Variants in TMEM135 observed in about 807,000 individuals in gnomAD.
TMEM135 encodes the protein peroxisomal membrane protein 52.
In TMEM135, 30 loss-of-function variants were observed where a neutral mutation model predicts 60.3. That is an observed-to-expected ratio of 0.50 (90% CI 0.37 to 0.68). The LOEUF (loss-of-function observed/expected upper bound fraction) is 0.68, where lower values mean the gene tolerates loss of function less well. Among genes scored for constraint, TMEM135 ranks in the 30% least tolerant of loss-of-function variants. The probability of loss-of-function intolerance (pLI) is 0.00; values close to 1 mark genes in which losing one functional copy is unlikely to be tolerated. For synonymous variants in TMEM135, 190 were observed against 186.7 expected, an observed-to-expected ratio of 1.02 and a Z score of -0.14; for missense variants, 468 against 548.8, an observed-to-expected ratio of 0.85 and a Z score of 1.47.
intron 5 of TMEM135, among the ~76,000 whole-genome samples, chr11:87,191,882 A>G (rs1939807380): frequency 6.6e-6 from 1 of 152,036 alleles, no homozygotes; most frequent in South Asian, 2.1e-4. Flanking sequence ...TATACTTTTA[A>G]AAAGTATGCT....
chr11:87,085,855 T>C (rs1339106669), intron 3 of TMEM135, among the ~76,000 whole-genome samples: 1 of 152,216 alleles, frequency 6.6e-6, no homozygotes, highest in Non-Finnish European at 1.5e-5. Flanking sequence ...TCAGATGAAC[T>C]GACTCTGAAT....
intron 5 of TMEM135, among the ~76,000 whole-genome samples, chr11:87,177,052 T>C (rs1156683528): frequency 6.6e-6 from 1 of 152,168 alleles, no homozygotes; most frequent in African/African-American, 2.4e-5. Context: ...TGTAAAATCA[T>C]CAAGTGAAAG....
intron 8 of TMEM135, among the ~76,000 whole-genome samples, chr11:87,303,905 C>T (rs1193111529): frequency 6.6e-6 from 1 of 152,124 alleles, no homozygotes; most frequent in East Asian, 1.9e-4. Context: ...CATGACAGAA[C>T]GTATCATAGT....
intron 6 of TMEM135, among the ~76,000 whole-genome samples, chr11:87,283,378 G>C (rs563424811): frequency 2.0e-5 from 3 of 151,438 alleles, no homozygotes; most frequent in African/African-American, 7.3e-5. Context: ...GTTTGGAAAA[G>C]CTTACAAAAT....
At chr11:87,203,386 A>G (rs528092495) in intron 5 of TMEM135, among the ~76,000 whole-genome samples, 1 of 152,244 alleles carries the variant, frequency 6.6e-6, no homozygotes, top group East Asian at 1.9e-4. Context: ...GAAACCCTTG[A>G]CAATCAGTAA....
At chr11:87,113,815 G>A (rs1857812028) in intron 4 of TMEM135, among the ~76,000 whole-genome samples, 1 of 151,914 alleles carries the variant, frequency 6.6e-6, no homozygotes, top group Non-Finnish European at 1.5e-5. Context: ...CAATTTTACT[G>A]TTATGCCTCC....
At chr11:87,105,601 TA>T (rs773243287) in intron 4 of TMEM135, among the ~76,000 whole-genome samples, 3 of 152,174 alleles carry the variant, frequency 2.0e-5, no homozygotes, top group Non-Finnish European at 2.9e-5. Flanking sequence ...GAAAGATTTT[TA>T]AAAAACAAGT....
At chr11:87,056,559 C>T (rs1221410276) in intron 1 of TMEM135, among the ~76,000 whole-genome samples, 1 of 152,224 alleles carries the variant, frequency 6.6e-6, no homozygotes, top group Non-Finnish European at 1.5e-5. Context: ...AAATGGTTGA[C>T]AGACTAATTA....
chr11:87,267,144 G>A (rs1210497323), intron 6 of TMEM135, among the ~76,000 whole-genome samples: 1 of 152,166 alleles, frequency 6.6e-6, no homozygotes, highest in Admixed American at 6.5e-5. Context: ...AAAGAACTCT[G>A]CCATGAGTGG....
intron 5 of TMEM135, among the ~76,000 whole-genome samples, chr11:87,160,813 A>G (rs1938849773): frequency 6.6e-6 from 1 of 152,188 alleles, no homozygotes; most frequent in Non-Finnish European, 1.5e-5. Flanking sequence ...AACTATGGTG[A>G]TGTTCTTTAT....
chr11:87,288,245 T>C (rs1413847339), intron 6 of TMEM135, among the ~76,000 whole-genome samples: 1 of 152,204 alleles, frequency 6.6e-6, no homozygotes, highest in Non-Finnish European at 1.5e-5. Context: ...ATTAATCAGA[T>C]TATGTATATC....
intron 5 of TMEM135, among the ~76,000 whole-genome samples, chr11:87,170,631 C>T (rs1850635): frequency 0.038 from 5,711 of 152,216 alleles, 331 homozygotes; most frequent in African/African-American, 0.13. Context: ...TGCAGAACAG[C>T]AAAGATTGCT....
intron 4 of TMEM135, among the ~76,000 whole-genome samples, chr11:87,147,544 A>G (rs529143160): frequency 1.3e-5 from 2 of 152,188 alleles, no homozygotes; most frequent in African/African-American, 4.8e-5. Context: ...ATGTGTGTGC[A>G]TAGCAGAACA....
intron 4 of TMEM135, among the ~76,000 whole-genome samples, chr11:87,119,443 G>A (rs2451061): frequency 0.48 from 72,483 of 152,094 alleles, 17,572 homozygotes; most frequent in East Asian, 0.67. Context: ...TGGCTCATGC[G>A]TGTAATCGCA....
intron 5 of TMEM135, among the ~76,000 whole-genome samples, chr11:87,234,185 C>T (rs1940945979): frequency 6.6e-6 from 1 of 151,818 alleles, no homozygotes; most frequent in African/African-American, 2.4e-5. Flanking sequence ...CTTCTTTGAC[C>T]ACTTTGTATA....
intron 6 of TMEM135, among the ~76,000 whole-genome samples, chr11:87,257,095 T>C (rs976509612): frequency 1.4e-4 from 22 of 152,228 alleles, no homozygotes; most frequent in African/African-American, 5.1e-4. Context: ...CTTAGCAATG[T>C]TGAGTGTGAC....
chr11:87,246,002 T>C (rs1941260292), intron 6 of TMEM135, among the ~76,000 whole-genome samples: 1 of 145,108 alleles, frequency 6.9e-6, no homozygotes, highest in Admixed American at 6.9e-5. Context: ...GTTGTGCCTT[T>C]CCATGTTTAG....
At chr11:87,074,106 C>T (rs1856825337) in intron 3 of TMEM135, among the ~76,000 whole-genome samples, 1 of 152,060 alleles carries the variant, frequency 6.6e-6, no homozygotes, top group African/African-American at 2.4e-5. Flanking sequence ...GCTGGGACCA[C>T]AGGCATGAAC....
chr11:87,167,644 C>G (rs1039923188), intron 5 of TMEM135, among the ~76,000 whole-genome samples: 3 of 152,104 alleles, frequency 2.0e-5, no homozygotes, highest in Admixed American at 2.0e-4. Context: ...AGCCTTGCAT[C>G]CCAGGGATGA....
Sources: allele counts gnomAD v4.1 joint callset (sites outside exome capture counted in the v4.1 genomes callset), GRCh38; gene constraint gnomAD v4.1.1; transcripts MANE v1.5; gene names NCBI Gene and HGNC (gene_info 2026-07-23, HGNC 2026-07-21).